The following NBN variants were observed in gnomAD, a reference collection of about 807,000 sequenced individuals.
NBN encodes the protein Nijmegen breakage syndrome 1 (nibrin).
NBN carries 88 observed loss-of-function variants against 90.8 expected under a neutral mutation model. That is an observed-to-expected ratio of 0.97 (90% CI 0.82 to 1.16). The LOEUF is 1.16. Ranked by LOEUF, NBN falls within the 50% of genes most tolerant of loss-of-function variation. The pLI is 0.00. For missense variants in NBN, 894 were observed against 869.6 expected (o/e 1.03, Z -0.35); for synonymous variants, 328 against 295.1 (o/e 1.11, Z -1.14).
At chr8:89,967,221 G>C (rs1351128899) in intron 7 of NBN, among the ~76,000 whole-genome samples, 2 of 152,180 alleles carry the variant, frequency 1.3e-5, no homozygotes, top group East Asian at 3.9e-4. Context: ...GTACCAGTCT[G>C]AGTGAGTGTG....
chr8:89,943,419 CAT>C, intron 13 of NBN, 53 bp from the exon 14 acceptor site: 1 of 1,550,170 alleles, frequency 6.5e-7, no homozygotes, highest in Non-Finnish European at 8.9e-7. Flanking sequence ...CAAAAATGAC[CAT>C]TTTTTTAAAA....
intron 15 of NBN, 88 bp downstream of exon 15, chr8:89,936,937 AG>A: frequency 1.9e-6 from 2 of 1,033,430 alleles, no homozygotes; most frequent in Non-Finnish European, 3.0e-6. Flanking sequence ...CTATGAGGAC[AG>A]AAGAAACAAA....
At chr8:89,962,072 A>C (rs551117886) in intron 8 of NBN, among the ~76,000 whole-genome samples, 1 of 152,086 alleles carries the variant, frequency 6.6e-6, no homozygotes, top group Non-Finnish European at 1.5e-5. Flanking sequence ...ATAAAAGAAG[A>C]CTCCTCTCTA....
At position 89,982,844 on chromosome 8, in the gene NBN, T is replaced by A; in HGVS notation, c.49A>T (p.Arg17Ter). 6.2e-7 allele frequency: 1 copy of A among 1,613,576 alleles called. No individual in the cohort carries two copies. Residue 17 changes from arginine (R) to a stop codon, truncating the protein, a stop_gained, in exon 2 of 16, where the codon AGA (arginine) becomes TGA (stop). Coordinates refer to ENST00000265433, the MANE Select transcript of NBN (RefSeq NM_002485.5). LOFTEE classifies it high-confidence loss of function. ...ACGTACTCAACGCCAGTCAAAAGTCTGTATGGTTCTCCTGAGATAAATTTT... is the reference window on the plus strand; with the variant it reads ...ACGTACTCAACGCCAGTCAAAAGTCAGTATGGTTCTCCTGAGATAAATTTT... ...AAGPAGGEPYRLLTGVEYVVG... is the reference protein window; with the variant it reads ...AAGPAGGEPY
chr8:89,979,167 T>TG (rs1207531753), intron 4 of NBN, among the ~76,000 whole-genome samples: 13 of 152,042 alleles, frequency 8.6e-5, no homozygotes, highest in Admixed American at 7.2e-4. Flanking sequence ...TTTGTAGAGA[T>TG]GGAGTCTCAC....
chr8:89,935,908 G>A (rs1418156120), intron 15 of NBN, among the ~76,000 whole-genome samples: 2 of 151,900 alleles, frequency 1.3e-5, no homozygotes, highest in Non-Finnish European at 2.9e-5. Context: ...ACTTCTTTCT[G>A]TATGGCTTCA....
intron 8 of NBN, among the ~76,000 whole-genome samples, chr8:89,962,020 A>G (rs1367665105): frequency 6.6e-6 from 1 of 152,194 alleles, no homozygotes; most frequent in East Asian, 1.9e-4. Flanking sequence ...GGAAGAATAA[A>G]AAATGTCCAA....
chr8:89,961,224 G>C (rs1810978380), intron 8 of NBN, among the ~76,000 whole-genome samples: 1 of 152,186 alleles, frequency 6.6e-6, no homozygotes, highest in Non-Finnish European at 1.5e-5. Flanking sequence ...AATTTCAACA[G>C]TGGGTGACAA....
intron 9 of NBN, among the ~76,000 whole-genome samples, chr8:89,958,264 G>C (rs1810820537): frequency 1.3e-5 from 2 of 152,218 alleles, no homozygotes; most frequent in Non-Finnish European, 2.9e-5. Flanking sequence ...GTTCCTAACA[G>C]GTGATGGACT....
intron 5 of NBN, among the ~76,000 whole-genome samples, chr8:89,971,646 A>G (rs1490030797): frequency 1.3e-5 from 2 of 152,218 alleles, no homozygotes; most frequent in African/African-American, 2.4e-5. Context: ...AAATTCTATT[A>G]GCATCTTGTG....
intron 9 of NBN, among the ~76,000 whole-genome samples, chr8:89,957,174 A>C (rs1810759469): frequency 6.6e-6 from 1 of 152,224 alleles, no homozygotes; most frequent in African/African-American, 2.4e-5. Context: ...CATTATTATC[A>C]TAGGAGATGA....
rs104895030 is a variant in NBN at position 89,935,181 on chromosome 8, G to C, written c.*401C>G. On this transcript the variant is annotated 3_prime_UTR_variant, in exon 16 of 16. Coordinates refer to ENST00000265433, the MANE Select transcript of NBN (RefSeq NM_002485.5). ...TTGTGTAGGAAATTATTTAAAAATAGGAATTTGAATAGGACTCAAAAATCC... is the reference window on the plus strand; with the variant it reads ...TTGTGTAGGAAATTATTTAAAAATACGAATTTGAATAGGACTCAAAAATCC... The C allele has an allele frequency of 4.7e-3, 1,245 of 263,790 alleles. 7 individuals carry two copies. The highest frequency in any genetic ancestry group is 6.7e-3 in the Non-Finnish European group (912 of 136,280). 16.3% of individuals were successfully genotyped at this position (263,790 alleles called of 1,614,324 possible).
In NBN at chr8:89,984,093, T is replaced by C. The variant is rs1586114868; in HGVS notation, c.37+432A>G. On this transcript the variant is annotated intron_variant, in intron 1 of 15. Transcript: ENST00000265433. ...AAACTGAAAGTAAGCCTTTTCGTGG[T>C]AGTCATTTCCCCAAACTGTCCAGTA... is the stretch of plus-strand genomic sequence containing the variant. 4 of 203,570 alleles carry C rather than the reference T, an allele frequency of 2.0e-5. No homozygotes were observed. The East Asian group carries it at 4.4e-4, about 22-fold the overall frequency. 12.6% of individuals were successfully genotyped at this position (203,570 alleles called of 1,614,324 possible).
intron 8 of NBN, among the ~76,000 whole-genome samples, chr8:89,961,483 T>A (rs1335004366): frequency 6.6e-6 from 1 of 152,118 alleles, no homozygotes; most frequent in Non-Finnish European, 1.5e-5. Flanking sequence ...AATAATTACA[T>A]CTGACTTGGA....
intron 8 of NBN, 37 bp from the exon 9 acceptor site, chr8:89,958,891 T>C (rs1810861843): frequency 6.2e-7 from 1 of 1,610,502 alleles, no homozygotes; most frequent in African/African-American, 1.3e-5. Flanking sequence ...GAATCACAAC[T>C]GCTAGATAGA....
At chr8:89,958,639 A>G in intron 9 of NBN, 86 bp downstream of exon 9, 2 of 1,452,552 alleles carry the variant, frequency 1.4e-6, no homozygotes, top group South Asian at 2.3e-5. Context: ...CTCAAGAGAC[A>G]ACCTGATAAA....
At position 89,945,797 on chromosome 8, in the gene NBN, A is replaced by C. The variant is rs147858639; in HGVS notation, c.2070+343T>G. Among the ~76,000 whole-genome samples the C allele has an allele frequency of 9.2e-5, 14 of 152,274 alleles. No individual in the cohort carries two copies. The East Asian group carries it at 2.7e-3, about 29-fold the overall frequency. On this transcript the variant is annotated intron_variant, in intron 13 of 15. Transcript: ENST00000265433. ...ATTTTAAATACATTTTAATCTTCAT[A>C]AAGTCCTGAGCTAAAGAACCTCCTC...
intron 7 of NBN, among the ~76,000 whole-genome samples, chr8:89,966,796 T>G (rs142789863): frequency 6.6e-6 from 1 of 152,156 alleles, no homozygotes; most frequent in African/African-American, 2.4e-5. Flanking sequence ...GTTATACTAA[T>G]TAAGACAATG....
chr8:89,979,525 T>TTTG (rs13312868), intron 4 of NBN, among the ~76,000 whole-genome samples: 7,826 of 151,518 alleles, frequency 0.052, 249 homozygotes, highest in South Asian at 0.099. Context: ...GAACGCTTTT[T>TTTG]TTGTTGTTGT....
Sources: gnomAD v4.1 joint callset for allele counts (sites outside exome capture counted in the v4.1 genomes callset) on GRCh38, gnomAD v4.1.1 for gene constraint, MANE v1.5 for transcripts, NCBI Gene and HGNC (gene_info 2026-07-23, HGNC 2026-07-21) for gene names.